The following THSD7B variants were observed in gnomAD, a reference collection of about 807,000 sequenced individuals.
THSD7B encodes the protein thrombospondin type 1 domain containing 7B, also known as thrombospondin type-1 domain-containing protein 7B.
A neutral mutation model predicts 213.6 loss-of-function variants in THSD7B; 138 were observed. The ratio of observed to expected loss-of-function variants is 0.65; its 90% CI spans 0.56 to 0.74. The LOEUF (loss-of-function observed/expected upper bound fraction) is 0.74. THSD7B is among the 30% of genes least tolerant of loss of function. The pLI is 0.00. For missense variants in THSD7B, 1,931 were observed against 1,991.5 expected (o/e 0.97, Z 0.58); for synonymous variants, 742 against 687.0 (o/e 1.08, Z -1.25).
At chr2:136,806,144 A>C (rs1682277559) in intron 1 of THSD7B, among the ~76,000 whole-genome samples, 2 of 152,230 alleles carry the variant, frequency 1.3e-5, no homozygotes, top group African/African-American at 4.8e-5. Context: ...CTTGGAGATC[A>C]CAGTGCCAAG....
chr2:137,633,171 G>A (rs925235357), intron 20 of THSD7B, among the ~76,000 whole-genome samples: 13 of 152,074 alleles, frequency 8.5e-5, no homozygotes, highest in African/African-American at 3.1e-4. Context: ...AATAAACTTG[G>A]ATAAAAATTC....
intron 21 of THSD7B, among the ~76,000 whole-genome samples, chr2:137,647,802 C>T (rs1295520218): frequency 6.6e-6 from 1 of 152,146 alleles, no homozygotes; most frequent in Non-Finnish European, 1.5e-5. Context: ...AAGAAACCAG[C>T]TGTGCTTGTT....
chr2:136,875,774 A>G (rs1301526337), intron 1 of THSD7B, among the ~76,000 whole-genome samples: 1 of 152,206 alleles, frequency 6.6e-6, no homozygotes, highest in Non-Finnish European at 1.5e-5. Flanking sequence ...GAGGAAGCCT[A>G]AGAGAAAACC....
intron 4 of THSD7B, among the ~76,000 whole-genome samples, chr2:137,106,169 A>C (rs1182918118): frequency 1.3e-5 from 2 of 152,194 alleles, no homozygotes; most frequent in Non-Finnish European, 2.9e-5. Context: ...CAGTAACCAA[A>C]ATAGCATGTT....
chr2:137,402,212 T>C (rs923428311), intron 12 of THSD7B, among the ~76,000 whole-genome samples: 1 of 152,214 alleles, frequency 6.6e-6, no homozygotes, highest in African/African-American at 2.4e-5. Flanking sequence ...GCATGAAGAA[T>C]TAAATAACTT....
At chr2:137,050,518 A>G (rs903135039) in intron 2 of THSD7B, among the ~76,000 whole-genome samples, 15 of 152,246 alleles carry the variant, frequency 9.9e-5, no homozygotes, top group African/African-American at 3.6e-4. Flanking sequence ...TCATACAGAA[A>G]GAGCTGGGAA....
At chr2:137,657,580 A>G (rs2104818263) in intron 24 of THSD7B, among the ~76,000 whole-genome samples, 1 of 152,356 alleles carries the variant, frequency 6.6e-6, no homozygotes, top group South Asian at 2.1e-4. Context: ...AAATTTAAAA[A>G]TTAAAATATT....
intron 12 of THSD7B, among the ~76,000 whole-genome samples, chr2:137,396,543 C>T (rs1216861573): frequency 1.4e-4 from 20 of 143,004 alleles, no homozygotes; most frequent in East Asian, 4.1e-4. Context: ...TTGTTATAAT[C>T]TCTGTTCTTT....
At chr2:137,461,094 C>T (rs1026160971) in intron 15 of THSD7B, among the ~76,000 whole-genome samples, 3 of 151,886 alleles carry the variant, frequency 2.0e-5, no homozygotes, top group South Asian at 4.2e-4. Flanking sequence ...ATTGTATATA[C>T]CACATTTTTT....
intron 1 of THSD7B, among the ~76,000 whole-genome samples, chr2:136,807,757 C>T (rs954245462): frequency 6.6e-5 from 10 of 152,098 alleles, no homozygotes; most frequent in Admixed American, 5.2e-4. Flanking sequence ...CCACCCGCCT[C>T]GGCCTCTCAA....
At chr2:137,156,249 G>A (rs940699875) in intron 5 of THSD7B, 2 of 152,084 alleles carry the variant, frequency 1.3e-5, no homozygotes, top group African/African-American at 4.8e-5. Flanking sequence ...GCCTGGGGTG[G>A]GCTTAGTGGG....
chr2:137,623,507 G>C (rs1235957781), intron 20 of THSD7B, among the ~76,000 whole-genome samples: 1 of 152,046 alleles, frequency 6.6e-6, no homozygotes, highest in Non-Finnish European at 1.5e-5. Context: ...AGAAATAAAG[G>C]GTATTCAATT....
chr2:137,303,140 C>T (rs76146678), intron 12 of THSD7B, among the ~76,000 whole-genome samples: 1 of 152,194 alleles, frequency 6.6e-6, no homozygotes, highest in Non-Finnish European at 1.5e-5. Flanking sequence ...GTAGCCAGTA[C>T]TACAGGCACG....
At chr2:137,650,742 T>C (rs1356239455) in intron 21 of THSD7B, among the ~76,000 whole-genome samples, 1 of 152,202 alleles carries the variant, frequency 6.6e-6, no homozygotes, top group Non-Finnish European at 1.5e-5. Context: ...CTTTACTATT[T>C]TGAGTTCTTT....
chr2:137,601,714 A>G (rs1342590845), intron 17 of THSD7B, among the ~76,000 whole-genome samples: 1 of 152,254 alleles, frequency 6.6e-6, no homozygotes, highest in Non-Finnish European at 1.5e-5. Flanking sequence ...CATTTTGCAT[A>G]CATTATCTCA....
intron 12 of THSD7B, among the ~76,000 whole-genome samples, chr2:137,316,136 C>T (rs144326519): frequency 8.9e-4 from 136 of 152,220 alleles, no homozygotes; most frequent in Admixed American, 1.6e-3. Flanking sequence ...ACAATTATAG[C>T]GAAGTGGTAT....
intron 2 of THSD7B, among the ~76,000 whole-genome samples, chr2:136,915,527 G>A (rs1684335550): frequency 6.6e-6 from 1 of 152,218 alleles, no homozygotes; most frequent in Non-Finnish European, 1.5e-5. Flanking sequence ...GATTCACTCA[G>A]TAAGCATAAT....
chr2:137,150,422 G>C (rs1013261659), intron 5 of THSD7B, among the ~76,000 whole-genome samples: 1 of 152,072 alleles, frequency 6.6e-6, no homozygotes, highest in Non-Finnish European at 1.5e-5. Context: ...GAGATCATGA[G>C]GGTGGTTACC....
intron 1 of THSD7B, among the ~76,000 whole-genome samples, chr2:136,878,038 T>G (rs562015456): frequency 5.6e-4 from 86 of 152,260 alleles, no homozygotes; most frequent in Non-Finnish European, 1.1e-3. Context: ...GTCATTTACA[T>G]TAGGTATATC....
Sources: gnomAD v4.1 joint callset for allele counts (sites outside exome capture counted in the v4.1 genomes callset) on GRCh38, gnomAD v4.1.1 for gene constraint, MANE v1.5 for transcripts, NCBI Gene and HGNC (gene_info 2026-07-23, HGNC 2026-07-21) for gene names.